Variants in RIPOR3 observed in about 807,000 individuals in gnomAD.
RIPOR3 encodes the protein RIPOR family member 3, also known as family with sequence similarity 65 member C.
RIPOR3 carries 95 observed loss-of-function variants against 114.3 expected under a neutral mutation model. The ratio of observed to expected loss-of-function variants is 0.83; its 90% confidence interval spans 0.70 to 0.99. The LOEUF (loss-of-function observed/expected upper bound fraction) is 0.99, where lower values mean the gene tolerates loss of function less well. Among genes scored for constraint, RIPOR3 ranks in the 50% least tolerant of loss-of-function variants. RIPOR3 has a pLI of 0.00. For missense variants in RIPOR3, 1,252 were observed against 1,266.9 expected (o/e 0.99, Z 0.18); for synonymous variants, 575 against 543.8 (o/e 1.06, Z -0.80).
chr20:50,597,602 A>G lies in RIPOR3; in HGVS notation c.1768T>C (p.Phe590Leu), dbSNP rs1442945750. 2 of 1,609,356 alleles carry G rather than the reference A, an allele frequency of 1.2e-6. No homozygotes were observed. Among genetic ancestry groups the G allele is most frequent in the Admixed American group, 3.4e-5 (2 of 59,448 alleles). The change falls in exon 14 of 22, where the codon TTT (phenylalanine) becomes CTT (leucine). Residue 590 changes from phenylalanine (F) to leucine (L), a missense_variant. Transcript: ENST00000327979. The stretch of plus-strand genomic sequence containing the variant: ...CACCGGAGACCCTGGGAGCCCCCAA[A>G]CAGGGACAGCTCATCCAGGGCGAAG... The part of the protein sequence containing the change: ...ADFALDELSL[F>L]GGSQGLRKDR...
rs762975706 is a variant in RIPOR3, at chr20:50,602,497, A to G, written c.1234T>C (p.Ser412Pro). The stretch of plus-strand genomic sequence containing the variant: ...GTCTCCGTGTCTCGGGGGTCCTCAG[A>G]GCTGAAGGAGTCCATCTCAGGCAGC... ...QELPEMDSFSSEDPRDTETST... is the reference protein window; with the variant it reads ...QELPEMDSFSPEDPRDTETST... The change falls in exon 13 of 22, where the codon TCT becomes CCT. Residue 412 changes from serine to proline, a missense_variant. Physicochemically the swap from Ser to Pro is moderately conservative, Grantham distance 74 (BLOSUM62 -1). Transcript: ENST00000327979. The surrounding 1 kb of genome is among the most constrained non-coding windows in gnomAD (Gnocchi z 4.3). 15 of 1,563,592 alleles carry G rather than the reference A, an allele frequency of 9.6e-6. No homozygotes were observed. Among genetic ancestry groups the G allele is most frequent in the Non-Finnish European group, 1.2e-5 (14 of 1,152,786 alleles).
chr20:50,609,037 C>T (rs2083846861), intron 8 of RIPOR3, 82 bp from the exon 9 acceptor site: 6 of 1,532,832 alleles, frequency 3.9e-6, no homozygotes, highest in Middle Eastern at 1.7e-4. Context: ...GGGGTTCCCC[C>T]GAGTATAGAT....
chr20:50,679,601 C>CAAA (rs35946931), intron 1 of RIPOR3, among the ~76,000 whole-genome samples: 10,521 of 120,476 alleles, frequency 0.087, 593 homozygotes, highest in African/African-American at 0.14. Flanking sequence ...ACTAAAAATA[C>CAAA]AAAAAAAAAA....
At chr20:50,673,012 C>T (rs2086571369) in intron 1 of RIPOR3, among the ~76,000 whole-genome samples, 1 of 152,196 alleles carries the variant, frequency 6.6e-6, no homozygotes. Flanking sequence ...GGCAACCAAC[C>T]CCAGCATTGA....
chr20:50,643,575 A>G (rs186551198), intron 1 of RIPOR3, among the ~76,000 whole-genome samples: 21 of 152,128 alleles, frequency 1.4e-4, no homozygotes, highest in Non-Finnish European at 2.4e-4. Flanking sequence ...GGACCCCCTG[A>G]GGCTATGTCT....
rs2122837202 is a variant in RIPOR3, at chr20:50,587,840, G to A, written c.2714C>T (p.Ala905Val). 6.2e-7 allele frequency: 1 copy of A among 1,614,168 alleles called. No homozygotes were observed. Among genetic ancestry groups the A allele is most frequent in the South Asian group, 1.1e-5 (1 of 91,086 alleles). ...GGTTTCCCGGGCTGCCGCCCGCACG[G>A]CCTCCAGGTCAGACTGGCACAGGCT... ...TASLCQSDLE[A>V]VRAAARETTL... Residue 905 changes from alanine to valine, a missense_variant, in exon 21 of 22, where the codon GCC becomes GTC. Ala to Val is a moderately conservative substitution (Grantham distance 64, BLOSUM62 0). Transcript: ENST00000327979.
intron 3 of RIPOR3, among the ~76,000 whole-genome samples, 185 bp downstream of exon 3, chr20:50,619,801 A>G (rs994769405): frequency 3.3e-5 from 5 of 152,216 alleles, no homozygotes; most frequent in Admixed American, 3.3e-4. Flanking sequence ...CCAGGTTTCC[A>G]GTGCCCAAGG....
intron 3 of RIPOR3, among the ~76,000 whole-genome samples, chr20:50,619,631 G>A (rs1222777910): frequency 6.6e-6 from 1 of 152,172 alleles, no homozygotes; most frequent in Non-Finnish European, 1.5e-5. Context: ...CCTGTCTGCC[G>A]AGGCCCTCGA....
intron 1 of RIPOR3, among the ~76,000 whole-genome samples, chr20:50,637,532 G>A (rs1185458935): frequency 2.6e-5 from 4 of 151,982 alleles, no homozygotes; most frequent in East Asian, 1.9e-4. Flanking sequence ...AAGAATCTTC[G>A]CTCCAGGGAG....
intron 1 of RIPOR3, among the ~76,000 whole-genome samples, chr20:50,635,027 C>T (rs552805777): frequency 1.3e-5 from 2 of 152,294 alleles, no homozygotes; most frequent in Admixed American, 6.5e-5. Flanking sequence ...AGCTAGACTC[C>T]ATCTCAAAAA....
intron 13 of RIPOR3, 95 bp downstream of exon 13, chr20:50,601,977 A>G: frequency 2.4e-6 from 3 of 1,244,228 alleles, no homozygotes; most frequent in South Asian, 3.2e-5. Flanking sequence ...TGAGGCCAGG[A>G]TGTCGGCCCA....
At position 50,602,004 on chromosome 20, in the gene RIPOR3, A is replaced by G. The variant is rs1601477097; in HGVS notation, c.1659+68T>C. ...GTCGGCCCAGGCTGCGTGGCCCCAG[A>G]GCCCCCGACTCCCAGTCATCATGCC... is the stretch of plus-strand genomic sequence containing the variant. On this transcript the variant is annotated intron_variant, in intron 13 of 21. Coordinates refer to ENST00000327979, the MANE Select transcript of RIPOR3 (RefSeq NM_001290268.2). The surrounding 1 kb of genome is among the most constrained non-coding windows in gnomAD (Gnocchi z 4.3). 24 of 1,399,042 alleles carry G rather than the reference A, an allele frequency of 1.7e-5. No homozygotes were observed. The East Asian group carries it at 6.1e-4, about 36-fold the overall frequency. The allele number at this position is 1,399,042 out of a possible 1,614,324, so 86.7% of individuals were successfully genotyped here.
Position 50,602,351 on chromosome 20 carries a change from G to A in RIPOR3, c.1380C>T (p.Ala460=), listed in dbSNP as rs1166855133. ...PLPPGLLPEM[A]HLSGGPFAEQ... is the part of the protein sequence containing the mutation. ...CTGCAAACGGGCCTCCAGAGAGGTG[G>A]GCCATCTCTGGCAGGAGACCTGGGG... Residue 460 remains alanine, a synonymous_variant, in exon 13 of 22, where the codon GCC becomes GCT. Transcript: ENST00000327979. The surrounding 1 kb of genome is among the most constrained non-coding windows in gnomAD (Gnocchi z 4.3). 1.2e-6 allele frequency: 2 copies of A among 1,613,732 alleles called. No individual in the cohort carries two copies. Among genetic ancestry groups the A allele is most frequent in the Non-Finnish European group, 8.5e-7 (1 of 1,179,954 alleles).
chr20:50,646,261 G>A (rs771263077), intron 1 of RIPOR3, among the ~76,000 whole-genome samples: 21 of 152,098 alleles, frequency 1.4e-4, no homozygotes, highest in Non-Finnish European at 2.9e-4. Flanking sequence ...CTGAGTAGCC[G>A]GGACCATAGG....
intron 2 of RIPOR3, among the ~76,000 whole-genome samples, chr20:50,623,027 G>GC (rs1437187744): frequency 6.6e-6 from 1 of 152,084 alleles, no homozygotes; most frequent in African/African-American, 2.4e-5. Flanking sequence ...ACTTCGGGAG[G>GC]CCAAGGTGGG....
rs182871300 is a variant in RIPOR3, at chr20:50,614,434, G to A, written c.348+1568C>T. Among the ~76,000 whole-genome samples the A allele has an allele frequency of 1.9e-3, 294 of 152,334 alleles. 1 individual carries two copies. The highest frequency in any genetic ancestry group is 6.8e-3 in the African/African-American group (283 of 41,578). On this transcript the variant is annotated intron_variant, in intron 4 of 21. Transcript: ENST00000327979. ...TGTTCTGCACATTGGTGCTTTGGAG[G>A]AGGGATTCTGGGAAACACTGGCTGG...
At chr20:50,688,216 T>A (rs2087093495) in intron 1 of RIPOR3, among the ~76,000 whole-genome samples, 1 of 152,208 alleles carries the variant, frequency 6.6e-6, no homozygotes, top group Non-Finnish European at 1.5e-5. Context: ...AATGGTGAGA[T>A]CACAGCTCAT....
intron 4 of RIPOR3, among the ~76,000 whole-genome samples, chr20:50,612,363 A>G (rs2084007930): frequency 6.6e-6 from 1 of 152,138 alleles, no homozygotes; most frequent in Non-Finnish European, 1.5e-5. Context: ...GTGGTCAAGA[A>G]ACATTTTTTT....
At chr20:50,666,183 A>ATTTCTTTTCTTTTCTTTTCTTTTTTTCT (rs2086191837) in intron 1 of RIPOR3, among the ~76,000 whole-genome samples, 1 of 43,734 alleles carries the variant, frequency 2.3e-5, no homozygotes, top group African/African-American at 5.4e-5. Flanking sequence ...AAGGACACCC[A>ATTTCTTTTCTTTTCTTTTCTTTTTTTCT]TTTCTTTTCT....
Sources: gnomAD v4.1 joint callset for allele counts (sites outside exome capture counted in the v4.1 genomes callset) on GRCh38, gnomAD v4.1.1 for gene constraint, Gnocchi (gnomAD v3.1) non-coding constraint, MANE v1.5 for transcripts, NCBI Gene and HGNC (gene_info 2026-07-23, HGNC 2026-07-21) for gene names.